The following OSBPL1A variants were observed in gnomAD, a reference collection of about 807,000 sequenced individuals.
The protein encoded by OSBPL1A is oxysterol binding protein like 1A.
A neutral mutation model predicts 137.1 loss-of-function variants in OSBPL1A; 80 were observed. The observed-to-expected ratio is 0.58, with a 90% CI of 0.49 to 0.70. The LOEUF (loss-of-function observed/expected upper bound fraction) is 0.70. Among genes scored for constraint, OSBPL1A ranks in the 30% least tolerant of loss-of-function variants. The pLI, the probability that OSBPL1A is intolerant of heterozygous loss-of-function variation, is 0.00. For synonymous variants in OSBPL1A, 365 were observed against 389.7 expected, an observed-to-expected ratio of 0.94 and a Z score of 0.75; for missense variants, 970 against 1,129.4, an observed-to-expected ratio of 0.86 and a Z score of 2.02.
At chr18:24,342,471 G>A (rs2091287214) in intron 4 of OSBPL1A, among the ~76,000 whole-genome samples, 2 of 152,140 alleles carry the variant, frequency 1.3e-5, no homozygotes, top group Non-Finnish European at 2.9e-5. Flanking sequence ...CTTGCACTAA[G>A]GGAGGCTGAA....
chr18:24,192,456 CACAAACAGATTTAGGGTTG>C (rs1567934320), intron 18 of OSBPL1A, among the ~76,000 whole-genome samples: 1 of 152,146 alleles, frequency 6.6e-6, no homozygotes, highest in Non-Finnish European at 1.5e-5. Context: ...AAGCTTCAAC[CACAAACAGATTTAGGGTTG>C]AATTCCAGTT....
At chr18:24,191,442 A>G (rs1599465190) in intron 18 of OSBPL1A, among the ~76,000 whole-genome samples, 2 of 152,336 alleles carry the variant, frequency 1.3e-5, no homozygotes, top group East Asian at 1.9e-4. Context: ...AAACAAGAAC[A>G]TAACTGTTAC....
chr18:24,368,728 A>C (rs1333639459), intron 2 of OSBPL1A: 1 of 195,794 alleles, frequency 5.1e-6, no homozygotes, highest in African/African-American at 2.3e-5. Context: ...ATAGTTCACG[A>C]CAAGCAACTC....
In OSBPL1A at chr18:24,178,040, T is replaced by G. The variant is rs1013792740; in HGVS notation, c.2066A>C (p.Lys689Thr). The stretch of plus-strand genomic sequence containing the variant: ...AAGGAGCTCCAAGGTGATGGTTCCT[T>G]TGGGTTCTGCTTCTACACTCTTCCC... ...FWGKSVEAEPKGTITLELLEH... is the reference protein window; with the variant it reads ...FWGKSVEAEPTGTITLELLEH... Residue 689 changes from lysine (K) to threonine (T), a missense_variant, in exon 21 of 28, where the codon AAA becomes ACA. Lys to Thr is a moderately conservative substitution (Grantham distance 78). Around this residue, in one of 2 missense-constraint regions of OSBPL1A, gnomAD observed 323 missense variants for 456.8 expected, o/e 0.71. Coordinates refer to ENST00000319481, the MANE Select transcript of OSBPL1A (RefSeq NM_080597.4). The G allele has an allele frequency of 5.0e-6, 8 of 1,613,904 alleles. No individual in the cohort carries two copies. The highest frequency in any genetic ancestry group is 5.9e-6 in the Non-Finnish European group (7 of 1,179,912).
At chr18:24,283,387 C>T (rs1207644135) in intron 14 of OSBPL1A, among the ~76,000 whole-genome samples, 1 of 149,412 alleles carries the variant, frequency 6.7e-6, no homozygotes, top group African/African-American at 2.5e-5. Context: ...CAGTTTACAT[C>T]TTACAAAATA....
At chr18:24,366,687 C>T (rs1308739804) in intron 4 of OSBPL1A, 1 of 412,446 alleles carries the variant, frequency 2.4e-6, no homozygotes, top group African/African-American at 2.0e-5. Flanking sequence ...AGGGATGCTA[C>T]AGAGTGGGGG....
chr18:24,393,508 A>G (rs1452872988), intron 1 of OSBPL1A, among the ~76,000 whole-genome samples: 3 of 151,988 alleles, frequency 2.0e-5, no homozygotes, highest in Non-Finnish European at 4.4e-5. Context: ...GCTGGAGTGC[A>G]GTGGCACGAT....
chr18:24,380,829 G>A (rs1906524450), intron 1 of OSBPL1A, among the ~76,000 whole-genome samples: 1 of 152,028 alleles, frequency 6.6e-6, no homozygotes. Flanking sequence ...GCACATGCCT[G>A]TAATCCCAGC....
chr18:24,391,706 G>A (rs1907371607), intron 1 of OSBPL1A, among the ~76,000 whole-genome samples: 1 of 151,926 alleles, frequency 6.6e-6, no homozygotes, highest in Non-Finnish European at 1.5e-5. Context: ...TCCAGCTCTG[G>A]GCCACAGAAT....
intron 14 of OSBPL1A, among the ~76,000 whole-genome samples, chr18:24,286,079 C>A (rs1365814926): frequency 6.6e-6 from 1 of 152,162 alleles, no homozygotes; most frequent in Non-Finnish European, 1.5e-5. Flanking sequence ...ATCACTTGAA[C>A]CCAGGAGGCA....
chr18:24,388,412 G>A (rs1032946422), intron 1 of OSBPL1A, among the ~76,000 whole-genome samples: 12 of 152,088 alleles, frequency 7.9e-5, no homozygotes, highest in Admixed American at 1.3e-4. Flanking sequence ...CCTGTAGGGA[G>A]GTCTACAGGC....
At chr18:24,369,096 T>C (rs1242143247) in intron 2 of OSBPL1A, among the ~76,000 whole-genome samples, 1 of 152,170 alleles carries the variant, frequency 6.6e-6, no homozygotes, top group Non-Finnish European at 1.5e-5. Flanking sequence ...CAGTCTCAGG[T>C]AGTTCTTTAT....
intron 24 of OSBPL1A, 98 bp from the exon 25 acceptor site, chr18:24,167,543 T>C (rs958893754): frequency 8.2e-6 from 8 of 972,506 alleles, no homozygotes; most frequent in Non-Finnish European, 1.2e-5. Flanking sequence ...AGACTGTAAA[T>C]ATGATGGCAG....
intron 14 of OSBPL1A, among the ~76,000 whole-genome samples, chr18:24,289,918 G>A (rs933457124): frequency 5.9e-5 from 9 of 152,098 alleles, no homozygotes; most frequent in African/African-American, 1.4e-4. Flanking sequence ...TAGATGCTCC[G>A]CAACTTACAG....
At chr18:24,322,419 C>T (rs549372264) in intron 7 of OSBPL1A, among the ~76,000 whole-genome samples, 1 of 152,006 alleles carries the variant, frequency 6.6e-6, no homozygotes, top group South Asian at 2.1e-4. Context: ...CCGTGCCCGG[C>T]CTTGTATGTG....
chr18:24,198,162 G>A (rs909988400), intron 17 of OSBPL1A, among the ~76,000 whole-genome samples: 5 of 152,162 alleles, frequency 3.3e-5, no homozygotes, highest in Admixed American at 1.3e-4. Flanking sequence ...CTTGAAAGAA[G>A]CTTGTGAAGA....
At chr18:24,349,042 C>T (rs2091394603) in intron 4 of OSBPL1A, among the ~76,000 whole-genome samples, 1 of 152,112 alleles carries the variant, frequency 6.6e-6, no homozygotes. Flanking sequence ...TGATGCACAC[C>T]TGTAGTCCTG....
intron 16 of OSBPL1A, among the ~76,000 whole-genome samples, chr18:24,227,232 A>T (rs538555053): frequency 4.2e-4 from 64 of 152,182 alleles, no homozygotes; most frequent in African/African-American, 1.5e-3. Flanking sequence ...AGAGACATTT[A>T]TTTTTCTTTG....
At chr18:24,224,298 AATT>A (rs1210892730) in intron 17 of OSBPL1A, among the ~76,000 whole-genome samples, 2 of 152,198 alleles carry the variant, frequency 1.3e-5, no homozygotes, top group East Asian at 3.8e-4. Flanking sequence ...TTAAACAAAA[AATT>A]ATTTTCCAGC....
Sources: gnomAD v4.1 joint callset for allele counts (sites outside exome capture counted in the v4.1 genomes callset) on GRCh38, gnomAD v4.1.1 for gene constraint, gnomAD v4.1.1 regional missense constraint, MANE v1.5 for transcripts, NCBI Gene and HGNC (gene_info 2026-07-23, HGNC 2026-07-21) for gene names.